Variants in CEP89 observed in about 807,000 individuals in gnomAD.
The protein encoded by CEP89 is centrosomal protein 89.
CEP89 carries 95 observed loss-of-function variants against 97.6 expected under a neutral mutation model. The ratio of observed to expected loss-of-function variants is 0.97; its 90% CI spans 0.82 to 1.15. The LOEUF (loss-of-function observed/expected upper bound fraction) is 1.15. CEP89 is among the 50% of genes most tolerant of loss of function. CEP89 has a pLI of 0.00. For missense variants in CEP89, 869 were observed against 947.7 expected (o/e 0.92, Z 1.09); for synonymous variants, 354 against 349.1 (o/e 1.01, Z -0.16).
rs1969202707 is a variant in CEP89, at chr19:32,878,023, GC to G, written c.*1138del. ...TCGAACTCCTGGCCTCGGGTGATCC[GC>G]CTGCCTCGACCTCCCAAAGTGCTGG... On this transcript the variant is annotated 3_prime_UTR_variant, in exon 19 of 19. Coordinates refer to ENST00000305768, the MANE Select transcript of CEP89 (RefSeq NM_032816.5). 6.6e-6 allele frequency: 1 copy of G among 152,086 alleles called. No homozygotes were observed. The highest frequency in any genetic ancestry group is 2.1e-4 in the South Asian group (1 of 4,826). The allele number at this position is 152,086 out of a possible 1,614,324, so 9.4% of individuals were successfully genotyped here. A position where few individuals can be genotyped will look rare whatever the true frequency, so the allele number is the denominator to read the frequency against.
chr19:32,969,332 T>C (rs765124283), intron 1 of CEP89: 2 of 152,326 alleles, frequency 1.3e-5, no homozygotes, highest in African/African-American at 2.4e-5. Context: ...TGTGTGCTGA[T>C]TGGGCCATTG....
chr19:32,967,738 A>G (rs1013992607), intron 1 of CEP89, among the ~76,000 whole-genome samples: 11 of 152,342 alleles, frequency 7.2e-5, no homozygotes, highest in Admixed American at 2.6e-4. Context: ...ACGGAACAGC[A>G]TTCTAGGAAG....
chr19:32,926,052 C>T, intron 11 of CEP89, 138 bp downstream of exon 11: 1 of 700,710 alleles, frequency 1.4e-6, no homozygotes, highest in Non-Finnish European at 2.5e-6. Flanking sequence ...CTCCTTCCTT[C>T]CTCCTTTCTG....
In CEP89 at chr19:32,971,835, C is replaced by T. The variant is rs1183603489; in HGVS notation, c.39+1G>A. 3.1e-6 allele frequency: 5 copies of T among 1,594,046 alleles called. No homozygotes were observed. The highest frequency in any genetic ancestry group is 4.3e-6 in the Non-Finnish European group (5 of 1,169,704). Reference sequence around the variant, plus strand: ...CGCGCGGCGGGCGAGCATCTACTTACGAAATGACTCCTGCGGCCTCTCCGA... The same window carrying T: ...CGCGCGGCGGGCGAGCATCTACTTATGAAATGACTCCTGCGGCCTCTCCGA... On this transcript the variant is annotated splice_donor_variant, in intron 1 of 18. Coordinates refer to ENST00000305768, the MANE Select transcript of CEP89 (RefSeq NM_032816.5). LOFTEE classifies it high-confidence loss of function.
chr19:32,884,249 G>A (rs1056111820), intron 17 of CEP89, among the ~76,000 whole-genome samples: 2 of 151,994 alleles, frequency 1.3e-5, no homozygotes, highest in Admixed American at 1.3e-4. Flanking sequence ...TTAAGATTTC[G>A]ACCTTTACTT....
intron 12 of CEP89, among the ~76,000 whole-genome samples, chr19:32,922,746 G>A (rs1970276157): frequency 6.6e-6 from 1 of 152,014 alleles, no homozygotes; most frequent in Non-Finnish European, 1.5e-5. Flanking sequence ...TACTCAGGAG[G>A]CTGAGGCAGG....
chr19:32,961,345 C>T (rs936051690), intron 2 of CEP89, among the ~76,000 whole-genome samples: 3 of 150,362 alleles, frequency 2.0e-5, no homozygotes, highest in South Asian at 2.1e-4. Context: ...CTGAGGAGGG[C>T]GGATCATGAG....
intron 1 of CEP89, chr19:32,969,207 T>G (rs9676744): frequency 0.27 from 41,232 of 152,260 alleles, 5,859 homozygotes; most frequent in Admixed American, 0.35. Context: ...GAGAGGGTAC[T>G]GCTCTCTGCA....
At chr19:32,884,938 T>C (rs1455540006) in intron 17 of CEP89, among the ~76,000 whole-genome samples, 2 of 152,320 alleles carry the variant, frequency 1.3e-5, no homozygotes, top group East Asian at 3.9e-4. Flanking sequence ...TACATGTTCT[T>C]AGTCCCCTGT....
intron 2 of CEP89, among the ~76,000 whole-genome samples, chr19:32,962,103 CT>C (rs1309668167): frequency 6.6e-6 from 1 of 151,440 alleles, no homozygotes; most frequent in Non-Finnish European, 1.5e-5. Flanking sequence ...TGGTTTGGCT[CT>C]GTGCCATTAC....
chr19:32,895,817 T>C (rs1969628624), intron 16 of CEP89, among the ~76,000 whole-genome samples: 1 of 151,728 alleles, frequency 6.6e-6, no homozygotes. Flanking sequence ...GTAGTGTTTC[T>C]ATACACCAAT....
chr19:32,919,331 A>T (rs1970200910), intron 12 of CEP89, among the ~76,000 whole-genome samples: 1 of 152,170 alleles, frequency 6.6e-6, no homozygotes, highest in South Asian at 2.1e-4. Context: ...GGGACCTTAG[A>T]AATCATCTAG....
intron 4 of CEP89, among the ~76,000 whole-genome samples, 154 bp downstream of exon 4, chr19:32,953,461 T>C (rs1453364560): frequency 1.3e-5 from 2 of 151,964 alleles, no homozygotes; most frequent in Non-Finnish European, 2.9e-5. Flanking sequence ...TCTAACCAGA[T>C]AGAAATGAGG....
At chr19:32,955,000 A>C (rs1971017264) in intron 3 of CEP89, among the ~76,000 whole-genome samples, 1 of 150,670 alleles carries the variant, frequency 6.6e-6, no homozygotes, top group East Asian at 2.0e-4. Flanking sequence ...TATTTTTTAA[A>C]TTGAGACAGG....
chr19:32,949,823 G>A (rs548983210), intron 4 of CEP89, among the ~76,000 whole-genome samples: 22 of 152,224 alleles, frequency 1.4e-4, no homozygotes, highest in Admixed American at 3.3e-4. Flanking sequence ...TGGAAGGGCT[G>A]TCCCTGGGGC....
chr19:32,909,213 A>G (rs1969949862), intron 14 of CEP89, among the ~76,000 whole-genome samples: 2 of 152,234 alleles, frequency 1.3e-5, no homozygotes, highest in Admixed American at 1.3e-4. Context: ...AAATTTAGCA[A>G]ACTCTTTTGG....
intron 17 of CEP89, among the ~76,000 whole-genome samples, chr19:32,883,364 C>T (rs1741453284): frequency 6.6e-6 from 1 of 151,790 alleles, no homozygotes; most frequent in African/African-American, 2.4e-5. Flanking sequence ...TTGTGACCAA[C>T]AAATGCTGGC....
rs375524970 is a variant in CEP89, at chr19:32,892,796, C to G, written c.1876-4955G>C. Among the ~76,000 whole-genome samples, 22 of 151,860 alleles carry G rather than the reference C, an allele frequency of 1.4e-4. No individual in the cohort carries two copies. The South Asian group carries it at 1.9e-3, about 13-fold the overall frequency. On this transcript the variant is annotated intron_variant, in intron 16 of 18. Coordinates refer to ENST00000305768, the MANE Select transcript of CEP89 (RefSeq NM_032816.5). ...CAAACACTGAGAGAATCTGTCACCA[C>G]TAGACCCATCCTACATGAAATGCTT... is the stretch of plus-strand genomic sequence containing the variant.
At chr19:32,930,878 C>T (rs945939347) in intron 9 of CEP89, among the ~76,000 whole-genome samples, 2 of 141,596 alleles carry the variant, frequency 1.4e-5, no homozygotes, top group African/African-American at 2.6e-5. Flanking sequence ...CATTCTTTTA[C>T]TTTTGTTATT....
Sources: gnomAD v4.1 joint callset for allele counts (sites outside exome capture counted in the v4.1 genomes callset) on GRCh38, gnomAD v4.1.1 for gene constraint, MANE v1.5 for transcripts, NCBI Gene and HGNC (gene_info 2026-07-23, HGNC 2026-07-21) for gene names.